Variants in AP4E1 observed in about 807,000 individuals in gnomAD.
The protein encoded by AP4E1 is AP-4 complex subunit epsilon-1.
AP4E1 carries 56 observed loss-of-function variants against 128.2 expected under a neutral mutation model. The observed-to-expected ratio is 0.44, with a 90% CI of 0.35 to 0.55. The LOEUF is 0.55. AP4E1 is among the 20% of genes least tolerant of loss of function. AP4E1 has a pLI of 0.00. For missense variants in AP4E1, 1,324 were observed against 1,307.7 expected (o/e 1.01, Z -0.19); for synonymous variants, 484 against 473.1 (o/e 1.02, Z -0.30).
intron 14 of AP4E1, among the ~76,000 whole-genome samples, chr15:50,964,198 A>T (rs1199725673): frequency 6.6e-6 from 1 of 151,552 alleles, no homozygotes; most frequent in Non-Finnish European, 1.5e-5. Context: ...TTATTTATTT[A>T]TTTTTGTCTG....
chr15:50,908,357 T>C (rs919490199), upstream of AP4E1, among the ~76,000 whole-genome samples: 1 of 151,844 alleles, frequency 6.6e-6, no homozygotes, highest in African/African-American at 2.4e-5. Context: ...CGCGGGGACG[T>C]CCCGAAAAAG....
At chr15:50,961,842 A>G (rs2064318783) in intron 14 of AP4E1, among the ~76,000 whole-genome samples, 1 of 152,012 alleles carries the variant, frequency 6.6e-6, no homozygotes, top group Admixed American at 6.6e-5. Context: ...ATGATCTTAT[A>G]TATAGAAAAA....
intron 3 of AP4E1, among the ~76,000 whole-genome samples, chr15:50,918,822 A>C (rs937705835): frequency 2.0e-5 from 3 of 152,208 alleles, no homozygotes; most frequent in Non-Finnish European, 4.4e-5. Flanking sequence ...ATACTTTTAT[A>C]CAGTTGCATA....
chr15:50,954,941 G>A (rs1171668959), intron 13 of AP4E1, among the ~76,000 whole-genome samples: 52 of 152,262 alleles, frequency 3.4e-4, no homozygotes, highest in Non-Finnish European at 7.3e-5. Context: ...AGAACATGCG[G>A]TGTTTGGTTT....
chr15:50,991,810 A>T (rs949611978), intron 16 of AP4E1, among the ~76,000 whole-genome samples: 1 of 152,108 alleles, frequency 6.6e-6, no homozygotes, highest in Non-Finnish European at 1.5e-5. Context: ...AACAATTTCA[A>T]TACTAATAAT....
At chr15:50,913,824 A>C (rs1282797514) in intron 2 of AP4E1, among the ~76,000 whole-genome samples, 2 of 151,976 alleles carry the variant, frequency 1.3e-5, no homozygotes, top group Non-Finnish European at 2.9e-5. Flanking sequence ...TGGGGGCGGC[A>C]GGGTGGGAGG....
chr15:50,975,134 G>A (rs1461185078), intron 15 of AP4E1, among the ~76,000 whole-genome samples: 3 of 152,066 alleles, frequency 2.0e-5, no homozygotes, highest in Non-Finnish European at 2.9e-5. Flanking sequence ...AGCTGGGCGC[G>A]GTGGCTCACA....
chr15:50,938,366 A>G lies in AP4E1; in HGVS notation c.944-3076A>G, dbSNP rs138029165. Among the ~76,000 whole-genome samples the G allele has an allele frequency of 1.0e-3, 158 of 152,324 alleles. 1 individual carries two copies. The highest frequency in any genetic ancestry group is 3.5e-3 in the African/African-American group (145 of 41,572). ...GATAACCCCTCTATTCCTTCCAAGC[A>G]TAGGAAAAAACTGTGGACCCATCCC... On this transcript the variant is annotated intron_variant, in intron 8 of 20. Coordinates refer to ENST00000261842, the MANE Select transcript of AP4E1 (RefSeq NM_007347.5).
chr15:50,938,943 A>G (rs2063946809), intron 8 of AP4E1, among the ~76,000 whole-genome samples: 2 of 152,282 alleles, frequency 1.3e-5, no homozygotes. Flanking sequence ...AACTTAATTA[A>G]AGTGAGAGTA....
chr15:50,945,700 A>G (rs2064051438), intron 10 of AP4E1: 10 of 785,796 alleles, frequency 1.3e-5, no homozygotes, highest in Non-Finnish European at 2.3e-5. Context: ...ATCTGATGAA[A>G]TGAACATTTG....
chr15:50,998,624 C>T (rs190212708), intron 18 of AP4E1, among the ~76,000 whole-genome samples: 55 of 151,346 alleles, frequency 3.6e-4, no homozygotes, highest in Admixed American at 2.8e-3. Flanking sequence ...AGTGAGACTC[C>T]ATCTCAAAAA....
chr15:50,922,163 C>CAAAAA (rs34829950), intron 3 of AP4E1, among the ~76,000 whole-genome samples: 4 of 79,666 alleles, frequency 5.0e-5, no homozygotes, highest in African/African-American at 5.4e-5. Flanking sequence ...CCTATCTCTA[C>CAAAAA]AAAAAAAAAA....
intron 15 of AP4E1, among the ~76,000 whole-genome samples, chr15:50,970,714 T>C (rs2064466949): frequency 6.6e-6 from 1 of 152,200 alleles, no homozygotes; most frequent in Non-Finnish European, 1.5e-5. Context: ...GTCTGGAACG[T>C]CTTTTTCCAA....
rs543260118 is a variant in AP4E1, at chr15:50,910,942, G to A, written c.151-1136G>A. Among the ~76,000 whole-genome samples, 11 of 152,314 alleles carry A rather than the reference G, an allele frequency of 7.2e-5. No individual in the cohort carries two copies. In the East Asian group the frequency reaches 1.7e-3, roughly 24 times the overall value. On this transcript the variant is annotated intron_variant, in intron 1 of 20. Coordinates refer to ENST00000261842, the MANE Select transcript of AP4E1 (RefSeq NM_007347.5). The stretch of plus-strand genomic sequence containing the variant: ...CTCCCAAAGTGCTGGGATTACAGGC[G>A]TGAGCCACCACGCCTGGCCATTTGT...
intron 8 of AP4E1, among the ~76,000 whole-genome samples, chr15:50,935,313 G>T (rs1402569584): frequency 6.6e-6 from 1 of 150,732 alleles, no homozygotes; most frequent in Non-Finnish European, 1.5e-5. Flanking sequence ...GGATGAATAG[G>T]ATATAGGCAG....
intron 15 of AP4E1, among the ~76,000 whole-genome samples, chr15:50,968,768 C>T (rs901173704): frequency 1.3e-5 from 2 of 152,148 alleles, no homozygotes; most frequent in African/African-American, 2.4e-5. Flanking sequence ...GCTGGATTTA[C>T]AGGTGGGTGC....
chr15:50,993,106 A>C (rs1347938332), intron 16 of AP4E1, among the ~76,000 whole-genome samples: 1 of 152,232 alleles, frequency 6.6e-6, no homozygotes, highest in Non-Finnish European at 1.5e-5. Flanking sequence ...TAAGCAGTTA[A>C]GTGAAAATTA....
intron 5 of AP4E1, among the ~76,000 whole-genome samples, chr15:50,928,779 A>G (rs952787710): frequency 2.0e-5 from 3 of 151,740 alleles, no homozygotes; most frequent in Non-Finnish European, 2.9e-5. Context: ...CTAACTAGAT[A>G]AATATATAAC....
chr15:50,968,422 AT>A, intron 15 of AP4E1, 45 bp downstream of exon 15: 2 of 1,315,334 alleles, frequency 1.5e-6, no homozygotes, highest in South Asian at 2.5e-5. Flanking sequence ...TAGGGATGTA[AT>A]TTTTGATATT....
Sources: allele counts gnomAD v4.1 joint callset (sites outside exome capture counted in the v4.1 genomes callset), GRCh38; gene constraint gnomAD v4.1.1; transcripts MANE v1.5; gene names NCBI Gene and HGNC (gene_info 2026-07-23, HGNC 2026-07-21).